The following USP4 variants were observed in gnomAD, a reference collection of about 807,000 sequenced individuals.
The protein encoded by USP4 is ubiquitin specific peptidase 4.
A neutral mutation model predicts 118.2 loss-of-function variants in USP4; 72 were observed. The ratio of observed to expected loss-of-function variants is 0.61; its 90% CI spans 0.50 to 0.74. The LOEUF is 0.74. USP4 is among the 30% of genes least tolerant of loss of function. USP4 has a pLI of 0.00. For synonymous variants in USP4, 415 were observed against 440.4 expected (o/e 0.94, Z 0.72); for missense variants, 1,037 against 1,185.7 (o/e 0.87, Z 1.84).
chr3:49,292,463 A>C, intron 15 of USP4, 47 bp downstream of exon 15: 1 of 1,254,892 alleles, frequency 8.0e-7, no homozygotes, highest in Non-Finnish European at 1.1e-6. Flanking sequence ...GAGGGAAATC[A>C]GGAGGTATTT....
At chr3:49,311,732 C>T in intron 6 of USP4, 78 bp from the exon 7 acceptor site, 1 of 1,549,188 alleles carries the variant, frequency 6.5e-7, no homozygotes, top group Non-Finnish European at 8.7e-7. Flanking sequence ...GGTTGCTTCT[C>T]AAGGAATAAA....
chr3:49,291,551 G>C (rs1206651260), intron 15 of USP4, among the ~76,000 whole-genome samples: 1 of 147,498 alleles, frequency 6.8e-6, no homozygotes, highest in African/African-American at 2.5e-5. Flanking sequence ...TCCTGCATGG[G>C]CGACAGAGCA....
At chr3:49,300,396 T>C (rs1033057956) in intron 11 of USP4, 71 bp downstream of exon 11, 13 of 1,421,590 alleles carry the variant, frequency 9.1e-6, no homozygotes, top group Non-Finnish European at 1.2e-5. Flanking sequence ...ATGCAGCAGA[T>C]AGGAGCAGTC....
rs2047074825 is a variant in USP4, at chr3:49,284,655, G to T, written c.2272-71C>A. The T allele has an allele frequency of 1.8e-5, 26 of 1,409,352 alleles. 1 individual carries two copies. Among genetic ancestry groups the T allele is most frequent in the Non-Finnish European group, 2.3e-5 (23 of 1,000,146 alleles). The allele number at this position is 1,409,352 out of a possible 1,614,324, so 87.3% of individuals were successfully genotyped here. The stretch of plus-strand genomic sequence containing the variant: ...CTGCATTAAGACATGAAGGCCTACA[G>T]AGGCTCTCCCACCTGGAATGTAGTA... On this transcript the variant is annotated intron_variant, in intron 17 of 21. Transcript: ENST00000265560.
At position 49,277,342 on chromosome 3, in the gene USP4, C is replaced by G; in HGVS notation, c.*951G>C. 2 of 923,556 alleles carry G rather than the reference C, an allele frequency of 2.2e-6. No homozygotes were observed. Among genetic ancestry groups the G allele is most frequent in the Non-Finnish European group, 2.9e-6 (2 of 680,010 alleles). The allele number at this position is 923,556 out of a possible 1,614,324, so 57.2% of individuals were successfully genotyped here. Reference sequence around the variant, plus strand: ...CTTGCCCACACGCAGCGGCTGGCCCCGCGGTGGGAGTGGGGACGGGGCTTT... The same window carrying G: ...CTTGCCCACACGCAGCGGCTGGCCCGGCGGTGGGAGTGGGGACGGGGCTTT... On this transcript the variant is annotated 3_prime_UTR_variant, in exon 22 of 22. Coordinates refer to ENST00000265560, the MANE Select transcript of USP4 (RefSeq NM_003363.4).
rs1050960489 is a variant in USP4 at position 49,311,780 on chromosome 3, C to T, written c.696-126G>A. 6 of 1,418,586 alleles carry T rather than the reference C, an allele frequency of 4.2e-6. No homozygotes were observed. The African/African-American group carries it at 5.8e-5, about 14-fold the overall frequency. 87.9% of individuals were successfully genotyped at this position (1,418,586 alleles called of 1,614,324 possible). A position where few individuals can be genotyped will look rare whatever the true frequency, so the allele number is the denominator to read the frequency against. On this transcript the variant is annotated intron_variant, in intron 6 of 21. Coordinates refer to ENST00000265560, the MANE Select transcript of USP4 (RefSeq NM_003363.4). ...TAAGTTAAAATAAATTACAAAAAGC[C>T]TGTATTCATACTACTTCAAGGTAAA...
At chr3:49,334,622 T>C (rs1450927463) in intron 2 of USP4, among the ~76,000 whole-genome samples, 2 of 152,132 alleles carry the variant, frequency 1.3e-5, no homozygotes, top group East Asian at 3.9e-4. Context: ...TAGAACACTG[T>C]AGTCTCAGTG....
chr3:49,289,123 C>T (rs1409122591), intron 15 of USP4, among the ~76,000 whole-genome samples: 2 of 151,902 alleles, frequency 1.3e-5, no homozygotes, highest in South Asian at 2.1e-4. Flanking sequence ...AACAAAAAAA[C>T]CTTTGTGCTT....
At chr3:49,297,516 C>T (rs567535864) in intron 13 of USP4, among the ~76,000 whole-genome samples, 2 of 152,244 alleles carry the variant, frequency 1.3e-5, no homozygotes, top group East Asian at 3.9e-4. Flanking sequence ...CGTACCACAC[C>T]CCTACTACCA....
At position 49,300,710 on chromosome 3, in the gene USP4, C is replaced by T. The variant is rs1402974988; in HGVS notation, c.1288-19G>A. The T allele has an allele frequency of 1.2e-6, 2 of 1,611,438 alleles. No homozygotes were observed. The highest frequency in any genetic ancestry group is 1.3e-5 in the African/African-American group (1 of 74,958). ...CCACCACCTGCGTCAAAGGGATAAA[C>T]AGGACATTCTCAACACCTCTCAGCC... On this transcript the variant is annotated intron_variant, in intron 10 of 21. Coordinates refer to ENST00000265560, the MANE Select transcript of USP4 (RefSeq NM_003363.4).
intron 1 of USP4, among the ~76,000 whole-genome samples, chr3:49,338,742 G>A (rs1323021113): frequency 1.3e-5 from 2 of 151,806 alleles, no homozygotes; most frequent in African/African-American, 4.8e-5. Context: ...TCACAAACTG[G>A]TTAGCTCAAG....
chr3:49,327,903 A>ATTTTCTTATTTCT, intron 2 of USP4, 87 bp from the exon 3 acceptor site: 1 of 1,330,212 alleles, frequency 7.5e-7, no homozygotes, highest in Non-Finnish European at 1.0e-6. Flanking sequence ...TTCAGAAATA[A>ATTTTCTTATTTCT]GAAAATTATT....
chr3:49,290,329 C>T (rs763884267), intron 15 of USP4, among the ~76,000 whole-genome samples: 101 of 152,050 alleles, frequency 6.6e-4, no homozygotes, highest in African/African-American at 1.8e-3. Flanking sequence ...TGGGAGAATC[C>T]CCTGAACCCA....
chr3:49,278,999 A>C, intron 20 of USP4, 97 bp from the exon 21 acceptor site: 1 of 706,710 alleles, frequency 1.4e-6, no homozygotes, highest in Non-Finnish European at 2.2e-6. Flanking sequence ...AATCCCCAAA[A>C]CAAAACCCCT....
chr3:49,277,927 A>G lies in USP4; in HGVS notation c.*366T>C. ...ATCAGAACCAGAAATCCAGGCGCTCAGGGCAGCCCTGCAGGTGGGGTGGGT... is the reference window on the plus strand; with the variant it reads ...ATCAGAACCAGAAATCCAGGCGCTCGGGGCAGCCCTGCAGGTGGGGTGGGT... On this transcript the variant is annotated 3_prime_UTR_variant, in exon 22 of 22. Coordinates refer to ENST00000265560, the MANE Select transcript of USP4 (RefSeq NM_003363.4). 1 of 398,530 alleles carries G rather than the reference A, an allele frequency of 2.5e-6. No homozygotes were observed. Among genetic ancestry groups the G allele is most frequent in the Non-Finnish European group, 4.4e-6 (1 of 226,904 alleles). The allele number at this position is 398,530 out of a possible 1,614,324, so 24.7% of individuals were successfully genotyped here. A position where few individuals can be genotyped will look rare whatever the true frequency, so the allele number is the denominator to read the frequency against.
chr3:49,318,592 A>G (rs1197342205), intron 6 of USP4: 26 of 985,288 alleles, frequency 2.6e-5, no homozygotes, highest in Non-Finnish European at 2.9e-5. Flanking sequence ...GGTGGTCCTC[A>G]TTAGTGAAAA....
chr3:49,317,430 G>A (rs772477330), intron 6 of USP4: 105 of 932,956 alleles, frequency 1.1e-4, no homozygotes, highest in East Asian at 2.4e-4. Flanking sequence ...GCTTGTTGTC[G>A]TAGTTCTGCA....
At position 49,340,005 on chromosome 3, in the gene USP4, C is replaced by G. The variant is rs774744848; in HGVS notation, c.20G>C (p.Cys7Ser). 4 of 1,609,598 alleles carry G rather than the reference C, an allele frequency of 2.5e-6. No individual in the cohort carries two copies. The highest frequency in any genetic ancestry group is 3.4e-6 in the Non-Finnish European group (4 of 1,179,814). MAEGGG[C>S]RERPDAETQK... Reference sequence around the variant, plus strand: ...AGTCTCCGCATCCGGTCGCTCACGGCAGCCTCCACCTTCCGCCATCTCCTC... The same window carrying G: ...AGTCTCCGCATCCGGTCGCTCACGGGAGCCTCCACCTTCCGCCATCTCCTC... The change falls in exon 1 of 22, where the codon TGC (cysteine) becomes TCC (serine). Residue 7 changes from cysteine to serine, a missense_variant. By Grantham distance (112) the Cys-to-Ser change is moderately radical. Around this residue, in one of 3 missense-constraint regions of USP4, gnomAD observed 487 missense variants for 534.1 expected, o/e 0.91. Coordinates refer to ENST00000265560, the MANE Select transcript of USP4 (RefSeq NM_003363.4).
At chr3:49,305,960 T>C in intron 8 of USP4, 72 bp from the exon 9 acceptor site, 2 of 1,442,520 alleles carry the variant, frequency 1.4e-6, no homozygotes, top group South Asian at 1.5e-5. Context: ...AATCAAGTTC[T>C]AAAGGGTCAC....
Sources: allele counts gnomAD v4.1 joint callset (sites outside exome capture counted in the v4.1 genomes callset), GRCh38; gene constraint gnomAD v4.1.1; regional missense constraint gnomAD v4.1.1; transcripts MANE v1.5; gene names NCBI Gene and HGNC (gene_info 2026-07-23, HGNC 2026-07-21).